DGKI: variants seen among roughly 807,000 people sequenced by gnomAD.
DGKI encodes the protein diacylglycerol kinase iota.
In DGKI, 55 loss-of-function variants were observed where a neutral mutation model predicts 147.5. The ratio of observed to expected loss-of-function variants is 0.37; its 90% CI spans 0.30 to 0.47. DGKI has a LOEUF of 0.47. Ranked by LOEUF, DGKI falls within the 20% of genes least tolerant of loss-of-function variation. DGKI has a pLI of 1.00. For synonymous variants in DGKI, 469 were observed against 477.1 expected (o/e 0.98, Z 0.22); for missense variants, 1,007 against 1,323.8 (o/e 0.76, Z 3.71).
chr7:137,840,182 T>C (rs1158231172), intron 1 of DGKI, among the ~76,000 whole-genome samples: 1 of 152,252 alleles, frequency 6.6e-6, no homozygotes, highest in Non-Finnish European at 1.5e-5. Flanking sequence ...AAAAAGTAGC[T>C]GGTGCTTTTC....
intron 6 of DGKI, among the ~76,000 whole-genome samples, chr7:137,638,771 T>C (rs960104287): frequency 6.6e-6 from 1 of 150,628 alleles, no homozygotes; most frequent in African/African-American, 2.4e-5. Context: ...ATATATTTTA[T>C]ACAGAGATAT....
chr7:137,418,588 A>C (rs1240335973), intron 28 of DGKI, among the ~76,000 whole-genome samples: 1 of 152,238 alleles, frequency 6.6e-6, no homozygotes, highest in African/African-American at 2.4e-5. Flanking sequence ...GCAAAATAGA[A>C]TCACAACTCT....
intron 20 of DGKI, among the ~76,000 whole-genome samples, chr7:137,536,392 A>C (rs191477637): frequency 8.5e-5 from 13 of 152,222 alleles, no homozygotes; most frequent in African/African-American, 3.1e-4. Context: ...AAATGTAAAA[A>C]TCCACTTTGG....
intron 20 of DGKI, among the ~76,000 whole-genome samples, chr7:137,532,318 A>G (rs1263531960): frequency 1.3e-5 from 2 of 152,214 alleles, no homozygotes; most frequent in Non-Finnish European, 2.9e-5. Context: ...AATAAAAAGT[A>G]AGGATTGACC....
chr7:137,630,261 A>AT (rs767552622), intron 6 of DGKI, among the ~76,000 whole-genome samples: 31 of 152,220 alleles, frequency 2.0e-4, no homozygotes, highest in Non-Finnish European at 3.8e-4. Context: ...GGAATCAAGG[A>AT]TTTATGTCCA....
At chr7:137,647,582 T>C (rs974499777) in intron 5 of DGKI, among the ~76,000 whole-genome samples, 3 of 152,184 alleles carry the variant, frequency 2.0e-5, no homozygotes, top group African/African-American at 7.2e-5. Context: ...TGTGGCTGGC[T>C]GTGGCTTTCA....
intron 19 of DGKI, among the ~76,000 whole-genome samples, chr7:137,553,438 C>A (rs1818118327): frequency 6.6e-6 from 1 of 151,936 alleles, no homozygotes; most frequent in Non-Finnish European, 1.5e-5. Context: ...CTTTAAGGAT[C>A]AAAATGAAAG....
intron 1 of DGKI, among the ~76,000 whole-genome samples, chr7:137,719,623 G>T (rs1290839944): frequency 6.6e-6 from 1 of 152,120 alleles, no homozygotes; most frequent in Non-Finnish European, 1.5e-5. Flanking sequence ...AATCACCTGG[G>T]TGCTTGCAAA....
intron 1 of DGKI, among the ~76,000 whole-genome samples, chr7:137,729,874 A>G (rs1794820487): frequency 6.6e-6 from 1 of 152,030 alleles, no homozygotes; most frequent in Admixed American, 6.6e-5. Context: ...TCACTACTAA[A>G]ATCAGGGGTG....
intron 1 of DGKI, among the ~76,000 whole-genome samples, chr7:137,760,670 G>A (rs1366862111): frequency 1.3e-5 from 2 of 152,150 alleles, no homozygotes; most frequent in East Asian, 1.9e-4. Flanking sequence ...GCCAGAAGGG[G>A]GAAGTCCAAT....
intron 1 of DGKI, among the ~76,000 whole-genome samples, chr7:137,809,704 G>A (rs1042546700): frequency 6.6e-6 from 1 of 152,094 alleles, no homozygotes; most frequent in Non-Finnish European, 1.5e-5. Context: ...CTCAGTTCAA[G>A]ACCAGCCTGG....
chr7:137,816,373 C>A (rs1474988149), intron 1 of DGKI, among the ~76,000 whole-genome samples: 4 of 152,178 alleles, frequency 2.6e-5, no homozygotes, highest in South Asian at 2.1e-4. Flanking sequence ...TACCTACCCC[C>A]TGAGGTTGTT....
intron 1 of DGKI, among the ~76,000 whole-genome samples, chr7:137,803,202 A>C (rs910324040): frequency 2.0e-5 from 3 of 152,146 alleles, no homozygotes; most frequent in African/African-American, 7.2e-5. Flanking sequence ...GTGAGACAAA[A>C]CAAGGAAATT....
At chr7:137,517,333 A>G (rs969205358) in intron 21 of DGKI, among the ~76,000 whole-genome samples, 10 of 136,056 alleles carry the variant, frequency 7.3e-5, no homozygotes, top group African/African-American at 1.6e-4. Flanking sequence ...GAAAGAAAGA[A>G]AGAAAGAGAA....
intron 3 of DGKI, among the ~76,000 whole-genome samples, chr7:137,670,004 T>A (rs1203079323): frequency 1.3e-5 from 2 of 152,058 alleles, no homozygotes; most frequent in East Asian, 1.9e-4. Context: ...AATCCTCCCA[T>A]CCACTCAAAA....
chr7:137,706,844 T>A (rs1241271358), intron 1 of DGKI, among the ~76,000 whole-genome samples: 1 of 152,170 alleles, frequency 6.6e-6, no homozygotes, highest in Non-Finnish European at 1.5e-5. Flanking sequence ...AGTGCTGGGA[T>A]TACAGGCGTG....
chr7:137,477,991 A>C lies in DGKI; in HGVS notation c.2373+7383T>G, dbSNP rs1296408682. 2.0e-5 allele frequency among the ~76,000 whole-genome samples: 3 copies of C among 152,204 alleles called. No homozygotes were observed. The East Asian group carries it at 5.8e-4, about 29-fold the overall frequency. The stretch of plus-strand genomic sequence containing the variant: ...TGTATTTTTAAACAACAATCCCCAC[A>C]TATGTATTCATGTATGTCTATGTGC... On this transcript the variant is annotated intron_variant, in intron 23 of 32. Coordinates refer to ENST00000614521, the MANE Select transcript of DGKI (RefSeq NM_001321708.2).
chr7:137,697,551 A>T (rs1823833248), intron 1 of DGKI, among the ~76,000 whole-genome samples: 1 of 152,208 alleles, frequency 6.6e-6, no homozygotes, highest in South Asian at 2.1e-4. Context: ...AGTGAATAAG[A>T]TCTTAACCTC....
chr7:137,412,640 A>T lies in DGKI; in HGVS notation c.2762-433T>A, dbSNP rs147619241. On this transcript the variant is annotated intron_variant, in intron 28 of 32. Transcript: ENST00000614521. ...GCCACAGATGCGGAGTAACTGCCTA[A>T]TCATGATTGCACTTGCTTCCTTCTT... is the stretch of plus-strand genomic sequence containing the variant. Among the ~76,000 whole-genome samples, 212 of 152,252 alleles carry T rather than the reference A, an allele frequency of 1.4e-3. 1 individual carries two copies. The highest frequency in any genetic ancestry group is 2.2e-3 in the Non-Finnish European group (148 of 68,000).
Sources: gnomAD v4.1 joint callset for allele counts (sites outside exome capture counted in the v4.1 genomes callset) on GRCh38, gnomAD v4.1.1 for gene constraint, MANE v1.5 for transcripts, NCBI Gene and HGNC (gene_info 2026-07-23, HGNC 2026-07-21) for gene names.